The following ZNF536 variants were observed in gnomAD, a reference collection of about 807,000 sequenced individuals.
ZNF536 encodes the protein zinc finger protein 536.
ZNF536 carries 13 observed loss-of-function variants against 84.5 expected under a neutral mutation model. The ratio of observed to expected loss-of-function variants is 0.15; its 90% confidence interval spans 0.10 to 0.24. The LOEUF is 0.24. Among genes scored for constraint, ZNF536 ranks in the 10% least tolerant of loss-of-function variants. The pLI, the probability that ZNF536 is intolerant of heterozygous loss-of-function variation, is 1.00. For missense variants in ZNF536, 1,536 were observed against 1,747.5 expected, an observed-to-expected ratio of 0.88 and a Z score of 2.16; for synonymous variants, 811 against 742.5, an observed-to-expected ratio of 1.09 and a Z score of -1.50.
chr19:30,707,390 G>T (rs1049723181), intron 1 of ZNF536, among the ~76,000 whole-genome samples: 1 of 151,898 alleles, frequency 6.6e-6, no homozygotes, highest in Non-Finnish European at 1.5e-5. Flanking sequence ...GTTGTCCTTC[G>T]CCTCCCAACC....
intron 2 of ZNF536, among the ~76,000 whole-genome samples, chr19:30,294,651 G>A (rs1407410152): frequency 6.6e-6 from 1 of 151,760 alleles, no homozygotes; most frequent in Non-Finnish European, 1.5e-5. Flanking sequence ...CAGGTCTCCA[G>A]TAACAAGACA....
chr19:30,419,191 C>T (rs958300403), intron 1 of ZNF536, among the ~76,000 whole-genome samples: 1 of 152,176 alleles, frequency 6.6e-6, no homozygotes, highest in African/African-American at 2.4e-5. Flanking sequence ...TGTTCCCATC[C>T]ACTGAAACGT....
chr19:30,414,287 T>A (rs2050621243), intron 1 of ZNF536, among the ~76,000 whole-genome samples: 1 of 152,126 alleles, frequency 6.6e-6, no homozygotes, highest in Admixed American at 6.5e-5. Flanking sequence ...AACTGGGGAA[T>A]GGTGGGCATA....
chr19:30,454,307 G>A lies in ZNF536; in HGVS notation c.2170+8575G>A, dbSNP rs539913668. ...CGATGAAACAGGATCGCGCCACAGT[G>A]CTCTCTTCTCTTCATTAAAGTAATG... On this transcript the variant is annotated intron_variant, in intron 2 of 4. Coordinates refer to ENST00000355537, the MANE Select transcript of ZNF536 (RefSeq NM_014717.3). Among the ~76,000 whole-genome samples, 15 of 152,276 alleles carry A rather than the reference G, an allele frequency of 9.9e-5. 1 individual carries two copies. The East Asian group carries it at 2.5e-3, about 25-fold the overall frequency.
intron 3 of ZNF536, among the ~76,000 whole-genome samples, chr19:30,545,141 G>C (rs2045490757): frequency 6.6e-6 from 1 of 152,166 alleles, no homozygotes; most frequent in South Asian, 2.1e-4. Context: ...AGAATGTGGG[G>C]AGGTGGGACC....
At chr19:30,505,894 G>A (rs1202391058) in intron 2 of ZNF536, among the ~76,000 whole-genome samples, 1 of 152,054 alleles carries the variant, frequency 6.6e-6, no homozygotes, top group African/African-American at 2.4e-5. Context: ...TCAAACCCTT[G>A]ACCTGAGGTG....
At chr19:30,300,461 G>C (rs1030771080) in intron 2 of ZNF536, 1 of 152,052 alleles carries the variant, frequency 6.6e-6, no homozygotes, top group Non-Finnish European at 1.5e-5. Context: ...GGGCACCTTC[G>C]GCCGCAGTGC....
At chr19:30,594,854 G>A (rs1434327459) in intron 1 of ZNF536, among the ~76,000 whole-genome samples, 2 of 152,020 alleles carry the variant, frequency 1.3e-5, no homozygotes. Context: ...GACCGGGTGT[G>A]GATGTAAGGT....
chr19:30,391,006 A>G (rs2049565899), intron 1 of ZNF536, among the ~76,000 whole-genome samples: 1 of 152,222 alleles, frequency 6.6e-6, no homozygotes, highest in South Asian at 2.1e-4. Context: ...TTTATTCACT[A>G]GGGACCAAGT....
chr19:30,260,873 A>G (rs1010668417), intron 1 of ZNF536, among the ~76,000 whole-genome samples: 1 of 151,844 alleles, frequency 6.6e-6, no homozygotes. Context: ...CATGCTTCAG[A>G]CCCCCTGGCC....
intron 2 of ZNF536, among the ~76,000 whole-genome samples, chr19:30,319,334 A>T (rs746679798): frequency 6.6e-5 from 10 of 152,190 alleles, no homozygotes; most frequent in Non-Finnish European, 1.2e-4. Flanking sequence ...TTTTTAAAAC[A>T]AATAATTTAG....
At chr19:30,403,877 T>C (rs1333901165) in intron 1 of ZNF536, among the ~76,000 whole-genome samples, 1 of 152,172 alleles carries the variant, frequency 6.6e-6, no homozygotes, top group Admixed American at 6.5e-5. Context: ...GGTCACATAG[T>C]AGGCTCTCAG....
At chr19:30,438,159 A>G (rs886950261) in intron 1 of ZNF536, among the ~76,000 whole-genome samples, 1 of 152,036 alleles carries the variant, frequency 6.6e-6, no homozygotes, top group Admixed American at 6.6e-5. Flanking sequence ...TATATTGCAT[A>G]ATGCTGGGGA....
intron 1 of ZNF536, among the ~76,000 whole-genome samples, chr19:30,709,513 T>G (rs949158176): frequency 1.3e-5 from 2 of 152,258 alleles, no homozygotes; most frequent in Admixed American, 1.3e-4. Flanking sequence ...GGCTTTGCCC[T>G]GAGGCCTGAG....
intron 1 of ZNF536, among the ~76,000 whole-genome samples, chr19:30,566,730 C>T (rs970191128): frequency 7.0e-6 from 1 of 142,778 alleles, no homozygotes; most frequent in Non-Finnish European, 1.5e-5. Context: ...GTGGCCTTTC[C>T]GGACAGTGGA....
intron 3 of ZNF536, among the ~76,000 whole-genome samples, chr19:30,360,543 G>T (rs889549990): frequency 6.6e-6 from 1 of 152,240 alleles, no homozygotes; most frequent in Non-Finnish European, 1.5e-5. Context: ...ACAGAGATGG[G>T]AGTGTCTGAC....
In ZNF536 at chr19:30,444,910, A is replaced by C. The variant is rs1733334594; in HGVS notation, c.1348A>C (p.Ser450Arg). The change falls in exon 2 of 5, where the codon AGC (serine) becomes CGC (arginine). Residue 450 changes from serine to arginine, a missense_variant. Around this residue, in one of 8 missense-constraint regions of ZNF536, gnomAD observed 366 missense variants for 364.4 expected, o/e 1.00. Transcript: ENST00000355537. The stretch of plus-strand genomic sequence containing the variant: ...GGACAAAGCCGGCCTGAGCGAGCCC[A>C]GCCAGCTCTATGGCAAGGGCGAGCT... ...TPDKAGLSEP[S>R]QLYGKGELPM... The C allele has an allele frequency of 6.2e-7, 1 of 1,611,154 alleles. No individual in the cohort carries two copies.
intron 1 of ZNF536, among the ~76,000 whole-genome samples, chr19:30,690,446 C>T (rs1191633512): frequency 1.3e-5 from 2 of 152,180 alleles, no homozygotes; most frequent in Admixed American, 1.3e-4. Flanking sequence ...CAGGTCGAGT[C>T]TCTCTCTTTC....
At chr19:30,598,763 A>G (rs1211876566) in intron 1 of ZNF536, among the ~76,000 whole-genome samples, 1 of 152,076 alleles carries the variant, frequency 6.6e-6, no homozygotes, top group Non-Finnish European at 1.5e-5. Context: ...AAAAAATACT[A>G]TAGTTTATAT....
Sources: gnomAD v4.1 joint callset for allele counts (sites outside exome capture counted in the v4.1 genomes callset) on GRCh38, gnomAD v4.1.1 for gene constraint, gnomAD v4.1.1 regional missense constraint, MANE v1.5 for transcripts, NCBI Gene and HGNC (gene_info 2026-07-23, HGNC 2026-07-21) for gene names.